EPS15: variants seen among roughly 807,000 people sequenced by gnomAD.
EPS15 encodes the protein epidermal growth factor receptor substrate 15.
A neutral mutation model predicts 113.8 loss-of-function variants in EPS15; 72 were observed. The observed-to-expected ratio is 0.63, with a 90% CI of 0.52 to 0.77. The LOEUF (loss-of-function observed/expected upper bound fraction) is 0.77, where lower values mean the gene tolerates loss of function less well. EPS15 is among the 30% of genes least tolerant of loss of function. The pLI is 0.00. For synonymous variants in EPS15, 344 were observed against 363.4 expected (o/e 0.95, Z 0.61); for missense variants, 1,048 against 1,045.8 (o/e 1.00, Z -0.03).
chr1:51,367,244 C>T (rs563209536), intron 21 of EPS15, among the ~76,000 whole-genome samples: 1 of 152,084 alleles, frequency 6.6e-6, no homozygotes, highest in Non-Finnish European at 1.5e-5. Flanking sequence ...GCAGAAGGAA[C>T]AGTAACTACA....
intron 15 of EPS15, 149 bp downstream of exon 15, chr1:51,407,986 C>G (rs1166773227): frequency 1.5e-6 from 1 of 668,630 alleles, no homozygotes; most frequent in Non-Finnish European, 2.7e-6. Flanking sequence ...CAATATATAA[C>G]AGGTGACAAA....
rs187748596 is a variant in EPS15 at position 51,396,230 on chromosome 1, G to T, written c.2053-1783C>A. Among the ~76,000 whole-genome samples the T allele has an allele frequency of 9.8e-4, 150 of 152,312 alleles. 2 individuals carry two copies. Among genetic ancestry groups the T allele is most frequent in the African/African-American group, 3.5e-3 (146 of 41,586 alleles). ...TCTATATAGCGAGATAACTTTCCAT[G>T]TTTCCTAATATGATAGTCATAACTC... On this transcript the variant is annotated intron_variant, in intron 20 of 24. Coordinates refer to ENST00000371733, the MANE Select transcript of EPS15 (RefSeq NM_001981.3).
chr1:51,387,444 G>T (rs538508794), intron 21 of EPS15, among the ~76,000 whole-genome samples: 1 of 151,338 alleles, frequency 6.6e-6, no homozygotes, highest in African/African-American at 2.4e-5. Flanking sequence ...ACATCATAAC[G>T]ACAGGATCAA....
intron 14 of EPS15, 21 bp downstream of exon 14, chr1:51,409,514 C>G: frequency 6.3e-7 from 1 of 1,594,534 alleles, no homozygotes; most frequent in Non-Finnish European, 8.5e-7. Context: ...GTGCAGGCAG[C>G]AGGAAACAGC....
chr1:51,389,132 G>C (rs1032797875), intron 21 of EPS15, among the ~76,000 whole-genome samples: 14 of 152,258 alleles, frequency 9.2e-5, no homozygotes, highest in Admixed American at 3.9e-4. Context: ...GATCAAGTGG[G>C]CTTCATCCCT....
At chr1:51,415,370 C>G (rs1650108217) in intron 13 of EPS15, among the ~76,000 whole-genome samples, 1 of 152,108 alleles carries the variant, frequency 6.6e-6, no homozygotes, top group East Asian at 1.9e-4. Flanking sequence ...TACAAAACTA[C>G]AGGACTTAAA....
chr1:51,363,518 T>A (rs1435623187), intron 23 of EPS15, among the ~76,000 whole-genome samples: 2 of 152,060 alleles, frequency 1.3e-5, no homozygotes, highest in African/African-American at 4.8e-5. Context: ...AACACCAAAG[T>A]ACAGGAAACT....
intron 13 of EPS15, 93 bp from the exon 14 acceptor site, chr1:51,409,789 T>A (rs1454562369): frequency 3.7e-6 from 3 of 819,712 alleles, no homozygotes; most frequent in Admixed American, 5.0e-5. Flanking sequence ...AAGAATAAAG[T>A]CTTACTGAGT....
chr1:51,438,389 T>TA (rs1464413153), intron 12 of EPS15, among the ~76,000 whole-genome samples: 1 of 152,220 alleles, frequency 6.6e-6, no homozygotes, highest in African/African-American at 2.4e-5. Flanking sequence ...TTATAGTTAC[T>TA]AAAAGTTATT....
In EPS15 at chr1:51,356,034, A is replaced by C. The variant is rs1210801303; in HGVS notation, c.*666T>G. ...ATCTAAAATTCTCTAAATCCAGATA[A>C]ATCTTTTTAAAAATTTATTTCACAC... On this transcript the variant is annotated 3_prime_UTR_variant, in exon 25 of 25. Coordinates refer to ENST00000371733, the MANE Select transcript of EPS15 (RefSeq NM_001981.3). 2 of 197,524 alleles carry C rather than the reference A, an allele frequency of 1.0e-5. No homozygotes were observed. The highest frequency in any genetic ancestry group is 2.3e-5 in the African/African-American group (1 of 43,330). 12.2% of individuals were successfully genotyped at this position (197,524 alleles called of 1,614,324 possible). A position where few individuals can be genotyped will look rare whatever the true frequency, so the allele number is the denominator to read the frequency against.
chr1:51,438,610 T>A (rs1431061230), intron 12 of EPS15, among the ~76,000 whole-genome samples: 1 of 152,140 alleles, frequency 6.6e-6, no homozygotes, highest in Non-Finnish European at 1.5e-5. Flanking sequence ...TATTTTCAAA[T>A]CTACCTACTA....
At chr1:51,490,340 C>G in intron 1 of EPS15, 1 of 437,774 alleles carries the variant, frequency 2.3e-6, no homozygotes, top group South Asian at 1.6e-5. Context: ...CCAAAGCGGG[C>G]AAATCACGAG....
At chr1:51,436,632 G>T (rs1221854641) in intron 12 of EPS15, among the ~76,000 whole-genome samples, 1 of 152,148 alleles carries the variant, frequency 6.6e-6, no homozygotes, top group African/African-American at 2.4e-5. Flanking sequence ...TATGGAGGTT[G>T]GGAGGTAAAT....
At chr1:51,399,670 C>CT (rs1648326146) in intron 19 of EPS15, among the ~76,000 whole-genome samples, 3 of 151,802 alleles carry the variant, frequency 2.0e-5, no homozygotes, top group African/African-American at 7.3e-5. Context: ...ACCGGCCTGG[C>CT]TAACACAGTG....
intron 1 of EPS15, among the ~76,000 whole-genome samples, chr1:51,501,526 C>T (rs1047190939): frequency 1.3e-5 from 2 of 151,862 alleles, no homozygotes; most frequent in Admixed American, 6.6e-5. Flanking sequence ...GTCACCCAGG[C>T]TGGAGTGCAG....
chr1:51,451,639 C>T (rs1462949250), intron 8 of EPS15, among the ~76,000 whole-genome samples: 1 of 151,298 alleles, frequency 6.6e-6, no homozygotes, highest in South Asian at 2.1e-4. Context: ...CACTGTATAT[C>T]TTCTTATATT....
intron 12 of EPS15, among the ~76,000 whole-genome samples, chr1:51,426,862 C>CACAT (rs1553124728): frequency 9.0e-5 from 12 of 134,032 alleles, no homozygotes; most frequent in African/African-American, 4.0e-4. Flanking sequence ...TACACACACA[C>CACAT]ATATATATAT....
intron 12 of EPS15, among the ~76,000 whole-genome samples, chr1:51,431,240 A>T (rs745686667): frequency 1.1e-4 from 16 of 152,078 alleles, no homozygotes; most frequent in Non-Finnish European, 1.6e-4. Flanking sequence ...TAATGTTCTT[A>T]CTTAGTTCTG....
At chr1:51,510,312 T>A (rs1644596739) in intron 1 of EPS15, among the ~76,000 whole-genome samples, 1 of 152,196 alleles carries the variant, frequency 6.6e-6, no homozygotes, top group Non-Finnish European at 1.5e-5. Context: ...CATCAATGAC[T>A]ATAGGAAGCA....
Sources: gnomAD v4.1 joint callset for allele counts (sites outside exome capture counted in the v4.1 genomes callset) on GRCh38, gnomAD v4.1.1 for gene constraint, MANE v1.5 for transcripts, NCBI Gene and HGNC (gene_info 2026-07-23, HGNC 2026-07-21) for gene names.